The following SERINC5 variants were observed in gnomAD, a reference collection of about 807,000 sequenced individuals.
SERINC5 encodes serine incorporator 5, also known as chromosome 5 open reading frame 12.
In SERINC5, 41 loss-of-function variants were observed where a neutral mutation model predicts 63.1. The ratio of observed to expected loss-of-function variants is 0.65; its 90% CI spans 0.51 to 0.84. The LOEUF (loss-of-function observed/expected upper bound fraction) is 0.84. SERINC5 is among the 40% of genes least tolerant of loss of function. SERINC5 has a pLI of 0.00. For synonymous variants in SERINC5, 222 were observed against 215.2 expected, an observed-to-expected ratio of 1.03 and a Z score of -0.28; for missense variants, 523 against 573.0, an observed-to-expected ratio of 0.91 and a Z score of 0.89.
At chr5:80,246,211 C>T (rs955300740) in intron 1 of SERINC5, among the ~76,000 whole-genome samples, 1 of 152,140 alleles carries the variant, frequency 6.6e-6, no homozygotes, top group Admixed American at 6.6e-5. Flanking sequence ...GGGTGAACCA[C>T]ACTCACCAAG....
chr5:80,223,859 C>T (rs1751036453), intron 1 of SERINC5, among the ~76,000 whole-genome samples: 1 of 152,044 alleles, frequency 6.6e-6, no homozygotes, highest in African/African-American at 2.4e-5. Flanking sequence ...GGCGCGGTGG[C>T]TCACGCCTAT....
intron 1 of SERINC5, among the ~76,000 whole-genome samples, chr5:80,239,939 C>T (rs1435843029): frequency 6.6e-6 from 1 of 152,160 alleles, no homozygotes; most frequent in Non-Finnish European, 1.5e-5. Context: ...CAAAGGAAGT[C>T]AGTGGGGCCA....
downstream of SERINC5, among the ~76,000 whole-genome samples, chr5:80,136,420 A>ATTT (rs1745179996): frequency 6.6e-6 from 1 of 152,238 alleles, no homozygotes; most frequent in African/African-American, 2.4e-5. Context: ...TATTCTCAAC[A>ATTT]ATTAGCACAA....
chr5:80,240,784 C>T (rs1751908262), intron 1 of SERINC5, among the ~76,000 whole-genome samples: 1 of 152,148 alleles, frequency 6.6e-6, no homozygotes, highest in Admixed American at 6.5e-5. Flanking sequence ...ATCCTCCCAC[C>T]TCATCCCCCT....
At chr5:80,132,516 A>G (rs944190512) in intron 11 of SERINC5, among the ~76,000 whole-genome samples, 10 of 152,048 alleles carry the variant, frequency 6.6e-5, no homozygotes, top group African/African-American at 2.4e-4. Context: ...CACCTCCTGG[A>G]CTTGGTATAT....
At chr5:80,144,839 T>C (rs1745716964) in intron 11 of SERINC5, among the ~76,000 whole-genome samples, 1 of 152,126 alleles carries the variant, frequency 6.6e-6, no homozygotes, top group Admixed American at 6.6e-5. Flanking sequence ...TGCACATCTG[T>C]TGAATGAATG....
chr5:80,227,558 T>G (rs962306569), intron 1 of SERINC5, among the ~76,000 whole-genome samples: 4 of 150,318 alleles, frequency 2.7e-5, no homozygotes, highest in Non-Finnish European at 5.9e-5. Context: ...GCCAGGAGTT[T>G]GAGACCAGCC....
At chr5:80,159,311 CA>C (rs1746738271) in intron 7 of SERINC5, among the ~76,000 whole-genome samples, 1 of 152,112 alleles carries the variant, frequency 6.6e-6, no homozygotes, top group South Asian at 2.1e-4. Context: ...GTGCAGATAC[CA>C]AGCAGTGCTG....
chr5:80,167,775 A>C (rs1410135104), intron 6 of SERINC5, among the ~76,000 whole-genome samples: 3 of 152,218 alleles, frequency 2.0e-5, no homozygotes, highest in Non-Finnish European at 2.9e-5. Flanking sequence ...CTAAGGGTTC[A>C]GATCCTTCAG....
chr5:80,143,728 C>A lies in SERINC5; in HGVS notation c.1321G>T (p.Val441Leu). 6.5e-7 allele frequency: 1 copy of A among 1,536,146 alleles called. No homozygotes were observed. Among genetic ancestry groups the A allele is most frequent in the East Asian group, 2.4e-5 (1 of 40,920 alleles). ...WVKMASCWIC[V>L]LLYLCTLVAP... ...ACCAGCGTACACAGGTACAACAGCA[C>A]GCATATCCAGCAGGAGGCCATCTTG... is the stretch of plus-strand genomic sequence containing the variant. Residue 441 changes from valine to leucine, a missense_variant, in exon 12 of 12, where the codon GTG becomes TTG. Val to Leu is a conservative substitution (Grantham distance 32). Transcript: ENST00000507668.
rs139556340 is a variant in SERINC5 at position 80,192,203 on chromosome 5, T to C, written c.195+10683A>G. 1.1e-3 allele frequency among the ~76,000 whole-genome samples: 164 copies of C among 152,332 alleles called. 1 individual carries two copies. The highest frequency in any genetic ancestry group is 3.8e-3 in the African/African-American group (157 of 41,580). ...CTACTAGGAAGAATAGATGAGGAGTTGTGGCTAACTGTTAACTGCCTAAGT... is the reference window on the plus strand; with the variant it reads ...CTACTAGGAAGAATAGATGAGGAGTCGTGGCTAACTGTTAACTGCCTAAGT... On this transcript the variant is annotated intron_variant, in intron 2 of 11. Transcript: ENST00000507668.
intron 1 of SERINC5, among the ~76,000 whole-genome samples, chr5:80,219,392 C>A (rs1750803259): frequency 6.6e-6 from 1 of 152,212 alleles, no homozygotes; most frequent in South Asian, 2.1e-4. Flanking sequence ...CTTCAGGAAA[C>A]CTTCTTTCCA....
intron 2 of SERINC5, among the ~76,000 whole-genome samples, chr5:80,201,522 G>A (rs976100692): frequency 6.6e-6 from 1 of 152,180 alleles, no homozygotes; most frequent in Non-Finnish European, 1.5e-5. Flanking sequence ...GAACCACAGA[G>A]CCTCACATCA....
At chr5:80,230,711 G>T (rs1051688108) in intron 1 of SERINC5, among the ~76,000 whole-genome samples, 4 of 152,260 alleles carry the variant, frequency 2.6e-5, no homozygotes, top group African/African-American at 9.6e-5. Context: ...TGGACTCTAG[G>T]AAATAAATTG....
intron 9 of SERINC5, among the ~76,000 whole-genome samples, chr5:80,149,510 G>A (rs543955994): frequency 2.6e-5 from 4 of 152,146 alleles, no homozygotes; most frequent in Non-Finnish European, 4.4e-5. Context: ...TTCCATCCAC[G>A]GAAAGCTATT....
Position 80,116,240 on chromosome 5 carries a change from C to T in SERINC5, c.1239-2615G>A, listed in dbSNP as rs536865876. The T allele has an allele frequency of 1.6e-4, 74 of 450,100 alleles. 1 individual carries two copies. The East Asian group carries it at 4.6e-3, about 28-fold the overall frequency. 27.9% of individuals were successfully genotyped at this position (450,100 alleles called of 1,614,324 possible). Reference sequence around the variant, plus strand: ...CAATGCTAAAACCAGGCTTTCCTGTCGGAGTTGGGGCCAGAGATGTTTCCA... The same window carrying T: ...CAATGCTAAAACCAGGCTTTCCTGTTGGAGTTGGGGCCAGAGATGTTTCCA... On this transcript the variant is annotated intron_variant, in intron 11 of 12. Coordinates refer to the SERINC5 transcript ENST00000509193.
At chr5:80,160,116 G>C (rs956569648) in intron 7 of SERINC5, among the ~76,000 whole-genome samples, 5 of 152,132 alleles carry the variant, frequency 3.3e-5, no homozygotes, top group African/African-American at 9.7e-5. Context: ...TTGTGGAATT[G>C]AGCCTTCGAC....
chr5:80,149,392 A>G (rs1253107610), intron 9 of SERINC5, among the ~76,000 whole-genome samples: 2 of 148,708 alleles, frequency 1.3e-5, no homozygotes, highest in African/African-American at 5.0e-5. Context: ...TTGGCAGATG[A>G]CAGCCCTTCA....
At chr5:80,123,799 G>A (rs1375288355) in intron 11 of SERINC5, among the ~76,000 whole-genome samples, 2 of 152,144 alleles carry the variant, frequency 1.3e-5, no homozygotes, top group African/African-American at 2.4e-5. Flanking sequence ...CACCAGCCCT[G>A]GAAGTTATGG....
Sources: allele counts gnomAD v4.1 joint callset (sites outside exome capture counted in the v4.1 genomes callset), GRCh38; gene constraint gnomAD v4.1.1; transcripts MANE v1.5; gene names NCBI Gene and HGNC (gene_info 2026-07-23, HGNC 2026-07-21).